DIAPH2: variants seen among roughly 807,000 people sequenced by gnomAD.
DIAPH2 encodes protein diaphanous homolog 2.
A neutral mutation model predicts 92.7 loss-of-function variants in DIAPH2; 35 were observed. The ratio of observed to expected loss-of-function variants is 0.38; its 90% CI spans 0.29 to 0.50. DIAPH2 has a LOEUF of 0.50. Ranked by LOEUF, DIAPH2 falls within the 20% of genes least tolerant of loss-of-function variation. The pLI, the probability that DIAPH2 is intolerant of heterozygous loss-of-function variation, is 0.94. For synonymous variants in DIAPH2, 301 were observed against 280.4 expected, an observed-to-expected ratio of 1.07 and a Z score of -0.73; for missense variants, 701 against 819.5, an observed-to-expected ratio of 0.86 and a Z score of 1.77.
At chrX:97,549,301 T>G (rs1257000093) in intron 26 of DIAPH2, among the ~76,000 whole-genome samples, 2 of 111,746 alleles carry the variant, frequency 1.8e-5, no homozygotes, top group Non-Finnish European at 3.8e-5. Flanking sequence ...TAATCTAACA[T>G]GTGCATAAAC....
At chrX:97,070,396 A>G (rs1212937905) in intron 17 of DIAPH2, among the ~76,000 whole-genome samples, 1 of 112,062 alleles carries the variant, frequency 8.9e-6, no homozygotes, top group Admixed American at 9.5e-5. Context: ...CATTAGAAAC[A>G]TACAGAATAA....
At chrX:97,017,549 C>T (rs1437640269) in intron 17 of DIAPH2, among the ~76,000 whole-genome samples, 1 of 111,805 alleles carries the variant, frequency 8.9e-6, no homozygotes, top group East Asian at 2.8e-4. Context: ...TGTTTTAATG[C>T]TTTCATGAGA....
At chrX:97,425,421 C>CA (rs1194294076) in intron 25 of DIAPH2, among the ~76,000 whole-genome samples, 3 of 111,014 alleles carry the variant, frequency 2.7e-5, no homozygotes, top group Non-Finnish European at 5.7e-5. Context: ...TTCTGACTAC[C>CA]AAAAAATGGT....
chrX:97,129,107 T>TTTTCTTTTCTTTTC (rs1555988055), intron 21 of DIAPH2, among the ~76,000 whole-genome samples: 2,094 of 69,732 alleles, frequency 0.03, 37 homozygotes, highest in Middle Eastern at 0.045. Flanking sequence ...TTTTCTTTTC[T>TTTTCTTTTCTTTTC]TTTCTTTTCT....
At chrX:97,192,756 C>G (rs5967131) in intron 22 of DIAPH2, among the ~76,000 whole-genome samples, 8,310 of 110,355 alleles carry the variant, frequency 0.075, 690 homozygotes, top group African/African-American at 0.24. Flanking sequence ...TAAAAAGTGC[C>G]TCCCGATTTT....
chrX:96,796,158 AT>A (rs1350957126), intron 4 of DIAPH2, among the ~76,000 whole-genome samples: 3 of 110,699 alleles, frequency 2.7e-5, no homozygotes, highest in African/African-American at 9.8e-5. Flanking sequence ...TTTGTTTTTT[AT>A]TTTTTTATTT....
chrX:97,118,898 C>A (rs5921343), intron 21 of DIAPH2, among the ~76,000 whole-genome samples: 3,612 of 112,385 alleles, frequency 0.032, 66 homozygotes, highest in Middle Eastern at 0.064. Flanking sequence ...AAGTCACTTA[C>A]CTTCTCTAAA....
intron 22 of DIAPH2, among the ~76,000 whole-genome samples, chrX:97,240,041 A>G (rs2068080951): frequency 9.0e-6 from 1 of 111,460 alleles, no homozygotes; most frequent in African/African-American, 3.3e-5. Context: ...GCAGGTAAAC[A>G]CATATTAATT....
chrX:97,271,102 G>A (rs1215969240), intron 23 of DIAPH2, among the ~76,000 whole-genome samples: 1 of 110,720 alleles, frequency 9.0e-6, no homozygotes, highest in Non-Finnish European at 1.9e-5. Context: ...TTTAAATCAG[G>A]GTTTAAATAA....
chrX:97,328,186 G>A (rs1200362534), intron 23 of DIAPH2, among the ~76,000 whole-genome samples: 1 of 111,531 alleles, frequency 9.0e-6, no homozygotes, highest in Non-Finnish European at 1.9e-5. Flanking sequence ...TGTAATCCCA[G>A]CACTTTGGGA....
intron 19 of DIAPH2, among the ~76,000 whole-genome samples, chrX:97,090,836 G>A (rs1285965961): frequency 9.0e-6 from 1 of 111,329 alleles, no homozygotes; most frequent in African/African-American, 3.3e-5. Context: ...ACAGTTCAAA[G>A]CATAGTATTA....
intron 25 of DIAPH2, among the ~76,000 whole-genome samples, chrX:97,395,947 T>G (rs1027244776): frequency 8.9e-6 from 1 of 112,190 alleles, no homozygotes; most frequent in African/African-American, 3.2e-5. Flanking sequence ...AAATTTGGCT[T>G]TTCTCTACAA....
chrX:96,865,136 A>T (rs1300447166), intron 4 of DIAPH2, among the ~76,000 whole-genome samples: 1 of 112,282 alleles, frequency 8.9e-6, no homozygotes, highest in African/African-American at 3.2e-5. Context: ...AGAATAAACA[A>T]AGAAAATACC....
chrX:97,195,522 A>G (rs1389896116), intron 22 of DIAPH2, among the ~76,000 whole-genome samples: 6 of 110,211 alleles, frequency 5.4e-5, no homozygotes, highest in Admixed American at 9.7e-5. Flanking sequence ...TTAGCTGGGC[A>G]TGGTAGTGCA....
chrX:97,266,826 C>G (rs1280381068), intron 23 of DIAPH2, among the ~76,000 whole-genome samples: 10 of 111,744 alleles, frequency 8.9e-5, no homozygotes, highest in African/African-American at 3.2e-4. Context: ...TTTGGCTTTA[C>G]CTTTAGAGAA....
chrX:96,888,628 CAGAT>C (rs2065285598), intron 5 of DIAPH2, among the ~76,000 whole-genome samples: 1 of 96,866 alleles, frequency 1.0e-5, no homozygotes, highest in Non-Finnish European at 2.0e-5. Flanking sequence ...TATATATACA[CAGAT>C]ATATATATCT....
At chrX:97,474,102 G>A (rs1401384719) in intron 26 of DIAPH2, among the ~76,000 whole-genome samples, 3 of 112,621 alleles carry the variant, frequency 2.7e-5, no homozygotes, top group Non-Finnish European at 5.6e-5. Context: ...GTAGAGTTGA[G>A]CAATTGTGAC....
intron 24 of DIAPH2, among the ~76,000 whole-genome samples, chrX:97,351,538 C>G (rs780243256): frequency 3.6e-5 from 4 of 111,574 alleles, no homozygotes; most frequent in Admixed American, 9.5e-5. Flanking sequence ...CATTAGGGCC[C>G]GGCGCGGTGG....
chrX:97,164,313 C>G (rs1226597764), intron 22 of DIAPH2, among the ~76,000 whole-genome samples: 12 of 111,812 alleles, frequency 1.1e-4, no homozygotes, highest in Admixed American at 9.5e-4. Context: ...TCTGACAGGT[C>G]ATACAACTGT....
Sources: allele counts gnomAD v4.1 joint callset (sites outside exome capture counted in the v4.1 genomes callset), GRCh38; gene constraint gnomAD v4.1.1; transcripts MANE v1.5; gene names NCBI Gene and HGNC (gene_info 2026-07-23, HGNC 2026-07-21).